CCSER1: variants seen among roughly 807,000 people sequenced by gnomAD.
CCSER1 encodes coiled-coil serine rich protein 1, also known as serine-rich coiled-coil domain-containing protein 1.
A neutral mutation model predicts 82.0 loss-of-function variants in CCSER1; 41 were observed. The observed-to-expected ratio is 0.50, with a 90% CI of 0.39 to 0.65. The LOEUF (loss-of-function observed/expected upper bound fraction) is 0.65, where lower values mean the gene tolerates loss of function less well. CCSER1 is among the 30% of genes least tolerant of loss of function. The pLI is 0.00. For synonymous variants in CCSER1, 414 were observed against 383.9 expected, an observed-to-expected ratio of 1.08 and a Z score of -0.92; for missense variants, 1,119 against 1,064.2, an observed-to-expected ratio of 1.05 and a Z score of -0.72.
At chr4:91,557,021 G>T (rs931714978) in intron 10 of CCSER1, among the ~76,000 whole-genome samples, 1 of 150,782 alleles carries the variant, frequency 6.6e-6, no homozygotes, top group Admixed American at 6.6e-5. Flanking sequence ...CTATTAAATG[G>T]CAAGAAAATA....
intron 10 of CCSER1, among the ~76,000 whole-genome samples, chr4:91,207,524 T>G (rs578113417): frequency 6.6e-6 from 1 of 152,030 alleles, no homozygotes; most frequent in African/African-American, 2.4e-5. Flanking sequence ...GATAATGGCC[T>G]CCAGTTCCAT....
chr4:90,519,387 T>C (rs967135096), intron 5 of CCSER1, among the ~76,000 whole-genome samples: 2 of 151,966 alleles, frequency 1.3e-5, no homozygotes, highest in Non-Finnish European at 2.9e-5. Flanking sequence ...TATATTATTC[T>C]AATAATTTAA....
At chr4:90,536,233 C>T (rs1394251690) in intron 5 of CCSER1, among the ~76,000 whole-genome samples, 3 of 151,902 alleles carry the variant, frequency 2.0e-5, no homozygotes, top group East Asian at 1.9e-4. Flanking sequence ...GGGGTTTTGC[C>T]GTGTTAGCCA....
intron 7 of CCSER1, among the ~76,000 whole-genome samples, chr4:90,810,359 T>A (rs1482574106): frequency 6.6e-6 from 1 of 152,090 alleles, no homozygotes; most frequent in Non-Finnish European, 1.5e-5. Flanking sequence ...TAAAACTAGT[T>A]CAGTGAGGCC....
At chr4:90,228,812 T>G (rs928963299) in intron 1 of CCSER1, among the ~76,000 whole-genome samples, 6 of 152,080 alleles carry the variant, frequency 3.9e-5, no homozygotes, top group African/African-American at 1.5e-4. Context: ...GCTCGAGAAC[T>G]ACGTGAAGAA....
At chr4:90,969,733 G>A (rs1376166334) in intron 9 of CCSER1, among the ~76,000 whole-genome samples, 1 of 151,872 alleles carries the variant, frequency 6.6e-6, no homozygotes, top group Admixed American at 6.6e-5. Flanking sequence ...ACATATGAAA[G>A]CATAAAACTC....
At chr4:91,263,247 G>A (rs1336022975) in intron 10 of CCSER1, among the ~76,000 whole-genome samples, 1 of 151,958 alleles carries the variant, frequency 6.6e-6, no homozygotes, top group African/African-American at 2.4e-5. Flanking sequence ...TATTTTAAAT[G>A]CTTATTTTGC....
At chr4:90,580,018 T>A (rs1579280471) in intron 5 of CCSER1, among the ~76,000 whole-genome samples, 1 of 152,258 alleles carries the variant, frequency 6.6e-6, no homozygotes, top group South Asian at 2.1e-4. Flanking sequence ...AGGCCACATC[T>A]TAGCGGTTCT....
At chr4:90,207,735 C>T (rs1198274130) in intron 1 of CCSER1, among the ~76,000 whole-genome samples, 1 of 152,118 alleles carries the variant, frequency 6.6e-6, no homozygotes, top group Non-Finnish European at 1.5e-5. Context: ...TGTTAGTTTT[C>T]CTTCTAACAG....
At chr4:90,381,616 C>A (rs535073345) in intron 3 of CCSER1, among the ~76,000 whole-genome samples, 1 of 151,950 alleles carries the variant, frequency 6.6e-6, no homozygotes, top group Admixed American at 6.6e-5. Flanking sequence ...ATGTAATGAT[C>A]CTGTTGCTGT....
chr4:91,512,609 C>T (rs1012465831), intron 10 of CCSER1, among the ~76,000 whole-genome samples: 2 of 152,156 alleles, frequency 1.3e-5, no homozygotes, highest in Non-Finnish European at 2.9e-5. Context: ...TTAATAAACT[C>T]CCTTTTATAT....
chr4:90,227,965 G>A (rs182121580), intron 1 of CCSER1, among the ~76,000 whole-genome samples: 3 of 152,340 alleles, frequency 2.0e-5, no homozygotes, highest in Non-Finnish European at 2.9e-5. Context: ...CTGGCTCGGA[G>A]GGTCCTACGC....
intron 1 of CCSER1, among the ~76,000 whole-genome samples, chr4:90,232,946 A>G (rs1312809474): frequency 2.0e-5 from 3 of 150,592 alleles, no homozygotes; most frequent in Non-Finnish European, 4.5e-5. Flanking sequence ...ACCAGTTAGA[A>G]TGGCAATCAT....
chr4:90,536,463 C>T (rs1398520325), intron 5 of CCSER1, among the ~76,000 whole-genome samples: 1 of 152,200 alleles, frequency 6.6e-6, no homozygotes, highest in Admixed American at 6.5e-5. Context: ...ACTCATGGCT[C>T]ATCCATGTTA....
intron 10 of CCSER1, among the ~76,000 whole-genome samples, chr4:91,188,027 T>A (rs907233049): frequency 1.3e-5 from 2 of 151,992 alleles, no homozygotes; most frequent in African/African-American, 4.8e-5. Context: ...TTACAGCAGT[T>A]CCAGAGTCCA....
intron 10 of CCSER1, among the ~76,000 whole-genome samples, chr4:91,519,009 G>T (rs1760300678): frequency 6.6e-6 from 1 of 152,220 alleles, no homozygotes. Context: ...TAGCCTGATG[G>T]TAGTTAGAGT....
chr4:90,701,721 T>G (rs1320686657), intron 6 of CCSER1, among the ~76,000 whole-genome samples: 1 of 152,200 alleles, frequency 6.6e-6, no homozygotes, highest in African/African-American at 2.4e-5. Flanking sequence ...AGGTATTTTA[T>G]TCTCTTTGAA....
At chr4:91,135,777 A>G (rs1728406796) in intron 10 of CCSER1, among the ~76,000 whole-genome samples, 2 of 152,198 alleles carry the variant, frequency 1.3e-5, no homozygotes, top group South Asian at 2.1e-4. Flanking sequence ...ATTCACAAGT[A>G]GGGAACCTGG....
intron 4 of CCSER1, among the ~76,000 whole-genome samples, chr4:90,419,928 TTA>T (rs1487213945): frequency 1.3e-5 from 2 of 151,928 alleles, no homozygotes; most frequent in African/African-American, 4.8e-5. Context: ...CTTAAACTTT[TTA>T]TATGTTTTTT....
Sources: allele counts gnomAD v4.1 joint callset (sites outside exome capture counted in the v4.1 genomes callset), GRCh38; gene constraint gnomAD v4.1.1; transcripts MANE v1.5; gene names NCBI Gene and HGNC (gene_info 2026-07-23, HGNC 2026-07-21).